The following PTK2B variants were observed in gnomAD, a reference collection of about 807,000 sequenced individuals.
PTK2B encodes the protein protein tyrosine kinase 2 beta.
PTK2B carries 71 observed loss-of-function variants against 142.9 expected under a neutral mutation model. The ratio of observed to expected loss-of-function variants is 0.50; its 90% CI spans 0.41 to 0.61. The LOEUF (loss-of-function observed/expected upper bound fraction) is 0.61. Ranked by LOEUF, PTK2B falls within the 20% of genes least tolerant of loss-of-function variation. PTK2B has a pLI of 0.00. For synonymous variants in PTK2B, 519 were observed against 503.4 expected (o/e 1.03, Z -0.42); for missense variants, 1,105 against 1,320.4 (o/e 0.84, Z 2.53).
intron 1 of PTK2B, among the ~76,000 whole-genome samples, chr8:27,360,430 C>T (rs1805630916): frequency 6.6e-6 from 1 of 152,206 alleles, no homozygotes; most frequent in Non-Finnish European, 1.5e-5. Context: ...GGGCAGGGGT[C>T]AGGGAGGGAT....
In PTK2B at chr8:27,416,547, C is replaced by T. The variant is rs145940363; in HGVS notation, c.205-3348C>T. On this transcript the variant is annotated intron_variant, in intron 2 of 30. Transcript: ENST00000346049. ...AAACTGTGAAGTTTATAAAAGAAAA[C>T]ATAGAATATCTTCATGACCTGGAGG... Among the ~76,000 whole-genome samples the T allele has an allele frequency of 8.5e-5, 13 of 152,184 alleles. No homozygotes were observed. The East Asian group carries it at 1.5e-3, about 18-fold the overall frequency.
At chr8:27,314,874 G>A (rs2130472561) in intron 3 of PTK2B, among the ~76,000 whole-genome samples, 1 of 152,312 alleles carries the variant, frequency 6.6e-6, no homozygotes, top group South Asian at 2.1e-4. Context: ...CCGGGAGGTG[G>A]CAGTGAGTCG....
chr8:27,402,751 G>A (rs1207959055), intron 2 of PTK2B, among the ~76,000 whole-genome samples: 4 of 152,136 alleles, frequency 2.6e-5, no homozygotes, highest in African/African-American at 4.8e-5. Flanking sequence ...GAAAACATAG[G>A]TCTTGTGAGA....
intron 1 of PTK2B, among the ~76,000 whole-genome samples, chr8:27,367,924 A>C (rs1430104474): frequency 6.6e-6 from 1 of 152,216 alleles, no homozygotes; most frequent in Non-Finnish European, 1.5e-5. Flanking sequence ...TGGGAATCAC[A>C]TTTCAACATA....
intron 27 of PTK2B, 28 bp downstream of exon 27, chr8:27,451,537 G>T (rs752781535): frequency 9.3e-6 from 15 of 1,613,974 alleles, no homozygotes; most frequent in Non-Finnish European, 8.5e-6. Context: ...TCTTCGGGGG[G>T]TTTCCTCTTG....
intron 1 of PTK2B, among the ~76,000 whole-genome samples, chr8:27,348,407 G>C (rs1804840255): frequency 1.3e-5 from 2 of 152,052 alleles, no homozygotes; most frequent in African/African-American, 4.8e-5. Flanking sequence ...AGAACCCCCT[G>C]TTCTTCCCAC....
chr8:27,343,709 A>T (rs1245333182), intron 1 of PTK2B, among the ~76,000 whole-genome samples: 2 of 152,168 alleles, frequency 1.3e-5, no homozygotes, highest in Non-Finnish European at 2.9e-5. Context: ...CCTTTAAAAA[A>T]ATTTCTTTCG....
At chr8:27,343,951 C>T (rs959892226) in intron 1 of PTK2B, among the ~76,000 whole-genome samples, 2 of 151,730 alleles carry the variant, frequency 1.3e-5, no homozygotes, top group Non-Finnish European at 2.9e-5. Context: ...TGCAGTGAGC[C>T]GAGATCATGC....
intron 1 of PTK2B, among the ~76,000 whole-genome samples, chr8:27,396,704 A>G (rs773879354): frequency 6.6e-6 from 1 of 152,112 alleles, no homozygotes; most frequent in Non-Finnish European, 1.5e-5. Context: ...ACCCTACTCT[A>G]CTGAGTTGTA....
chr8:27,320,028 C>T (rs1006520075), intron 3 of PTK2B, among the ~76,000 whole-genome samples: 1 of 152,138 alleles, frequency 6.6e-6, no homozygotes, highest in African/African-American at 2.4e-5. Flanking sequence ...AAACTCTAGC[C>T]AGCCTGTATA....
At chr8:27,444,077 C>A in intron 22 of PTK2B, 129 bp from the exon 23 acceptor site, 1 of 932,322 alleles carries the variant, frequency 1.1e-6, no homozygotes, top group Non-Finnish European at 1.7e-6. Context: ...AGTTTCATGA[C>A]AGCTTTGTCC....
At chr8:27,350,055 G>C (rs562903753) in intron 1 of PTK2B, among the ~76,000 whole-genome samples, 57 of 152,286 alleles carry the variant, frequency 3.7e-4, no homozygotes, top group Non-Finnish European at 7.2e-4. Context: ...ATATAACTCT[G>C]TTCTTTCAGT....
chr8:27,434,530 G>C lies in PTK2B; in HGVS notation c.1163G>C (p.Arg388Pro). 1 of 1,608,798 alleles carries C rather than the reference G, an allele frequency of 6.2e-7. No individual in the cohort carries two copies. The highest frequency in any genetic ancestry group is 8.5e-7 in the Non-Finnish European group (1 of 1,177,828). The change falls in exon 13 of 31, where the codon CGG becomes CCG. Residue 388 changes from arginine (R) to proline (P), a missense_variant. Transcript: ENST00000346049. The part of the protein sequence containing the change: ...QIPMLNLEAR[R>P]SHLSESCSIE... The stretch of plus-strand genomic sequence containing the variant: ...TCCTACAGAAACCTGGAGGCCCGGC[G>C]GTCCCACCTCTCAGAGAGCTGCAGC...
intron 1 of PTK2B, among the ~76,000 whole-genome samples, chr8:27,342,133 G>T (rs919321226): frequency 3.9e-5 from 6 of 152,122 alleles, no homozygotes; most frequent in Non-Finnish European, 8.8e-5. Context: ...TCCCCCACAG[G>T]GATGTACCCT....
chr8:27,385,620 C>T (rs866587801), intron 1 of PTK2B, among the ~76,000 whole-genome samples: 20 of 152,094 alleles, frequency 1.3e-4, no homozygotes, highest in African/African-American at 3.4e-4. Context: ...GGGCCGGGCG[C>T]GATGGCCCAT....
chr8:27,359,509 G>A (rs1360735082), intron 1 of PTK2B, among the ~76,000 whole-genome samples: 1 of 152,188 alleles, frequency 6.6e-6, no homozygotes, highest in African/African-American at 2.4e-5. Context: ...CCTTTCTCAA[G>A]GTGGGTTGCT....
At chr8:27,344,780 A>T (rs75799289) in intron 1 of PTK2B, among the ~76,000 whole-genome samples, 5,032 of 152,210 alleles carry the variant, frequency 0.033, 277 homozygotes, top group African/African-American at 0.11. Flanking sequence ...ACTCCAGGAC[A>T]CACAACTCAG....
At chr8:27,435,850 C>G in intron 14 of PTK2B, 57 bp downstream of exon 14, 2 of 1,562,340 alleles carry the variant, frequency 1.3e-6, no homozygotes. Context: ...AATGACATGG[C>G]AAGGACTCTG....
intron 1 of PTK2B, among the ~76,000 whole-genome samples, chr8:27,378,957 C>T (rs572292318): frequency 8.8e-4 from 134 of 152,238 alleles, no homozygotes; most frequent in African/African-American, 3.1e-3. Context: ...GAAAGGGCCC[C>T]GGCACCGTTA....
Sources: gnomAD v4.1 joint callset for allele counts (sites outside exome capture counted in the v4.1 genomes callset) on GRCh38, gnomAD v4.1.1 for gene constraint, MANE v1.5 for transcripts, NCBI Gene and HGNC (gene_info 2026-07-23, HGNC 2026-07-21) for gene names.